Variants in GPR15LG observed in about 807,000 individuals in gnomAD.
The protein encoded by GPR15LG is G protein-coupled receptor 15 ligand, also known as protein GPR15LG.
the GPR15LG span, among the ~76,000 whole-genome samples, chr10:84,175,732 C>G: frequency 6.6e-6 from 1 of 152,176 alleles, no homozygotes; most frequent in African/African-American, 2.4e-5. Context: ...TCTTGAACTT[C>G]TGGACTCAAG....
chr10:84,174,071 A>G, the GPR15LG span: 5 of 659,628 alleles, frequency 7.6e-6, no homozygotes, highest in African/African-American at 1.8e-5. Context: ...TCCTGAACCT[A>G]TAGGTTTGGG....
the GPR15LG span, among the ~76,000 whole-genome samples, chr10:84,179,460 G>T: frequency 6.6e-6 from 1 of 152,210 alleles, no homozygotes; most frequent in Non-Finnish European, 1.5e-5. Flanking sequence ...CTGATGCTGG[G>T]ATTCAGCAAG....
chr10:84,174,011 C>T, the GPR15LG span: 7 of 1,041,196 alleles, frequency 6.7e-6, no homozygotes, highest in South Asian at 1.3e-5. Flanking sequence ...CAGGCCTTGG[C>T]GGGCAGGCCT....
At chr10:84,178,255 A>T in the GPR15LG span, among the ~76,000 whole-genome samples, 1 of 151,728 alleles carries the variant, frequency 6.6e-6, no homozygotes, top group Admixed American at 6.6e-5. Context: ...ACACGGACAC[A>T]TACACACTAC....
the GPR15LG span, among the ~76,000 whole-genome samples, chr10:84,180,544 AC>A: frequency 6.8e-6 from 1 of 146,798 alleles, no homozygotes; most frequent in African/African-American, 2.5e-5. Context: ...CTGGGCAGAG[AC>A]GCTCCTCACT....
chr10:84,175,897 A>AT, the GPR15LG span, among the ~76,000 whole-genome samples: 2 of 149,672 alleles, frequency 1.3e-5, no homozygotes, highest in Middle Eastern at 3.4e-3. Context: ...TCTTTTTTTT[A>AT]TTTTTTTGAG....
chr10:84,184,793 C>A, the GPR15LG span: 1 of 1,612,934 alleles, frequency 6.2e-7, no homozygotes, highest in Admixed American at 1.7e-5. Context: ...CTCCAGACAG[C>A]GGAGAACCTC....
the GPR15LG span, among the ~76,000 whole-genome samples, chr10:84,181,422 TC>T: frequency 6.6e-6 from 1 of 151,402 alleles, no homozygotes; most frequent in African/African-American, 2.4e-5. Context: ...TAGCAGCAAG[TC>T]TTTTTGTTGT....
At chr10:84,178,046 C>G in the GPR15LG span, among the ~76,000 whole-genome samples, 1 of 151,872 alleles carries the variant, frequency 6.6e-6, no homozygotes. Flanking sequence ...CACACAGACT[C>G]ACACCACACA....
the GPR15LG span, among the ~76,000 whole-genome samples, chr10:84,179,254 C>T: frequency 3.9e-5 from 6 of 152,306 alleles, no homozygotes; most frequent in African/African-American, 1.4e-4. Flanking sequence ...GATGAGCCGT[C>T]GATGGGTTCA....
the GPR15LG span, among the ~76,000 whole-genome samples, chr10:84,180,508 C>A: frequency 6.8e-6 from 1 of 146,520 alleles, no homozygotes; most frequent in East Asian, 2.0e-4. Context: ...GGCAGAGGCG[C>A]TCCCCACATC....
At chr10:84,184,074 C>G in the GPR15LG span, among the ~76,000 whole-genome samples, 1 of 150,876 alleles carries the variant, frequency 6.6e-6, no homozygotes, top group Admixed American at 6.6e-5. Flanking sequence ...AATCCCAGTA[C>G]TTTGGGAGGC....
the GPR15LG span, among the ~76,000 whole-genome samples, chr10:84,175,748 C>T: frequency 6.6e-6 from 1 of 152,234 alleles, no homozygotes; most frequent in Non-Finnish European, 1.5e-5. Context: ...TCAAGCCATC[C>T]TCCCACCTTG....
At chr10:84,176,375 A>C in the GPR15LG span, 1 of 821,192 alleles carries the variant, frequency 1.2e-6, no homozygotes. Context: ...GCTCATCCTG[A>C]GTTTCTCTGG....
chr10:84,183,986 A>G, the GPR15LG span, among the ~76,000 whole-genome samples: 1 of 152,062 alleles, frequency 6.6e-6, no homozygotes, highest in African/African-American at 2.4e-5. Flanking sequence ...ATTATAGGAT[A>G]TTCAGATTGT....
At chr10:84,176,654 C>A in the GPR15LG span, 1 of 921,664 alleles carries the variant, frequency 1.1e-6, no homozygotes, top group Non-Finnish European at 1.7e-6. Flanking sequence ...TCAGCCCCCA[C>A]CCATGGCTGG....
chr10:84,178,475 T>C, the GPR15LG span, among the ~76,000 whole-genome samples: 1 of 149,046 alleles, frequency 6.7e-6, no homozygotes, highest in African/African-American at 2.5e-5. Context: ...TACACAACAC[T>C]ACACAACTAT....
the GPR15LG span, among the ~76,000 whole-genome samples, chr10:84,175,502 A>G: frequency 3.9e-5 from 6 of 152,354 alleles, no homozygotes; most frequent in East Asian, 7.7e-4. Context: ...ATAGTTCACA[A>G]TTGTGTGCTT....
chr10:84,178,493 G>GAC, the GPR15LG span, among the ~76,000 whole-genome samples: 8 of 149,358 alleles, frequency 5.4e-5, no homozygotes, highest in South Asian at 2.1e-4. Context: ...TATACACACA[G>GAC]ACACACACAC....
Sources: gnomAD v4.1 joint callset for allele counts (sites outside exome capture counted in the v4.1 genomes callset) on GRCh38, gnomAD v4.1.1 for gene constraint, MANE v1.5 for transcripts, NCBI Gene and HGNC (gene_info 2026-07-23, HGNC 2026-07-21) for gene names.